DNAH6: variants seen among roughly 807,000 people sequenced by gnomAD.
DNAH6 encodes dynein axonemal heavy chain 6.
DNAH6 carries 340 observed loss-of-function variants against 491.4 expected under a neutral mutation model. The ratio of observed to expected loss-of-function variants is 0.69; its 90% CI spans 0.63 to 0.76. DNAH6 has a LOEUF of 0.76. Among genes scored for constraint, DNAH6 ranks in the 30% least tolerant of loss-of-function variants. The probability of loss-of-function intolerance (pLI) is 0.00; values close to 1 mark genes in which losing one functional copy is unlikely to be tolerated. For synonymous variants in DNAH6, 1,603 were observed against 1,686.1 expected, an observed-to-expected ratio of 0.95 and a Z score of 1.21; for missense variants, 4,443 against 4,972.2, an observed-to-expected ratio of 0.89 and a Z score of 3.20.
At chr2:84,499,324 C>T in the DNAH6 span, among the ~76,000 whole-genome samples, 31 of 152,276 alleles carry the variant, frequency 2.0e-4, no homozygotes, top group African/African-American at 6.7e-4. Context: ...GCTTATTTCA[C>T]TTAACATAAT....
intron 76 of DNAH6, among the ~76,000 whole-genome samples, chr2:84,817,897 T>A (rs910979171): frequency 2.0e-5 from 3 of 152,118 alleles, no homozygotes; most frequent in Non-Finnish European, 2.9e-5. Context: ...TCACCCCCCA[T>A]TCCAAGGAGT....
chr2:84,518,101 T>C (rs759848329), intron 2 of DNAH6, 50 bp downstream of exon 2: 11 of 1,404,572 alleles, frequency 7.8e-6, no homozygotes, highest in Non-Finnish European at 1.1e-5. Flanking sequence ...GAGGAAGTTG[T>C]AAAATTGCTT....
At position 84,797,561 on chromosome 2, in the gene DNAH6, A is replaced by G; in HGVS notation, c.11384A>G (p.Asp3795Gly). Residue 3795 changes from aspartate to glycine, a missense_variant, in exon 70 of 77, where the codon GAC becomes GGC. Asp to Gly is a moderately conservative substitution (Grantham distance 94). Transcript: ENST00000389394. Reference protein sequence around the residue: ...ESGIYFAPMADSLQEFKDYIE... With the variant: ...ESGIYFAPMAGSLQEFKDYIE... ...GGCATCTATTTTGCACCCATGGCTGACAGCCTACAAGAGTTTAAGGACTAC... is the reference window on the plus strand; with the variant it reads ...GGCATCTATTTTGCACCCATGGCTGGCAGCCTACAAGAGTTTAAGGACTAC... The G allele has an allele frequency of 6.4e-7, 1 of 1,551,756 alleles. No homozygotes were observed. The highest frequency in any genetic ancestry group is 2.4e-5 in the East Asian group (1 of 40,922).
At chr2:84,691,827 A>G (rs1005566988) in intron 45 of DNAH6, among the ~76,000 whole-genome samples, 5 of 152,206 alleles carry the variant, frequency 3.3e-5, no homozygotes, top group Non-Finnish European at 5.9e-5. Context: ...TTCTTATCTC[A>G]TGGGTCATTA....
the DNAH6 span, among the ~76,000 whole-genome samples, chr2:84,487,418 G>C: frequency 1.3e-5 from 2 of 152,156 alleles, no homozygotes; most frequent in Admixed American, 6.5e-5. Context: ...GTGAAGAGTT[G>C]AGAAAACCCA....
intron 72 of DNAH6, 108 bp downstream of exon 72, chr2:84,808,650 C>G: frequency 8.9e-7 from 1 of 1,122,744 alleles, no homozygotes. Flanking sequence ...CATTTGGATA[C>G]ACTAACAACT....
At chr2:84,680,961 A>G (rs750774206) in intron 41 of DNAH6, among the ~76,000 whole-genome samples, 2 of 152,186 alleles carry the variant, frequency 1.3e-5, no homozygotes, top group Non-Finnish European at 2.9e-5. Flanking sequence ...CGCATTTAAA[A>G]TATACATGAA....
chr2:84,659,538 G>A (rs1198724477), intron 37 of DNAH6, among the ~76,000 whole-genome samples: 1 of 152,156 alleles, frequency 6.6e-6, no homozygotes, highest in Non-Finnish European at 1.5e-5. Context: ...AAGTAAATAT[G>A]TTGAGAATAA....
intron 64 of DNAH6, among the ~76,000 whole-genome samples, chr2:84,770,745 G>A (rs1000987684): frequency 6.6e-6 from 1 of 152,042 alleles, no homozygotes; most frequent in Non-Finnish European, 1.5e-5. Context: ...CACTGTAGGA[G>A]GCCAAGGTGG....
intron 50 of DNAH6, 27 bp downstream of exon 50, chr2:84,703,589 A>G (rs1696138422): frequency 1.3e-6 from 2 of 1,522,364 alleles, no homozygotes; most frequent in South Asian, 2.6e-5. Flanking sequence ...GAGAATGTGG[A>G]AAAGGCTTCT....
Position 84,653,741 on chromosome 2 carries a change from G to T in DNAH6, c.5501G>T (p.Trp1834Leu). 1 of 1,551,316 alleles carries T rather than the reference G, an allele frequency of 6.4e-7. No homozygotes were observed. Among genetic ancestry groups the T allele is most frequent in the Non-Finnish European group, 8.7e-7 (1 of 1,146,692 alleles). ...AATGATACTTCAGAAGACCATAAAT[G>T]GATCATCAGTGATGGGCCAGTAGAT... is the stretch of plus-strand genomic sequence containing the variant. ...AVNDTSEDHKWIISDGPVDAL... is the reference protein window; with the variant it reads ...AVNDTSEDHKLIISDGPVDAL... Residue 1834 changes from tryptophan (W) to leucine (L), a missense_variant, in exon 34 of 77, where the codon TGG becomes TTG. By Grantham distance (61) the Trp-to-Leu change is moderately conservative (BLOSUM62 -2). Transcript: ENST00000389394.
At chr2:84,585,410 G>A (rs1037661387) in intron 15 of DNAH6, among the ~76,000 whole-genome samples, 6 of 152,200 alleles carry the variant, frequency 3.9e-5, no homozygotes, top group African/African-American at 1.4e-4. Flanking sequence ...ATGCAGACAA[G>A]TGGAGGGTGA....
At chr2:84,663,567 A>G (rs946955172) in intron 37 of DNAH6, among the ~76,000 whole-genome samples, 4 of 152,186 alleles carry the variant, frequency 2.6e-5, no homozygotes, top group Admixed American at 1.3e-4. Context: ...AAAAGAAATG[A>G]ACAAAGCCTC....
intron 33 of DNAH6, among the ~76,000 whole-genome samples, chr2:84,650,765 C>G (rs1486135838): frequency 1.3e-5 from 2 of 152,160 alleles, no homozygotes; most frequent in South Asian, 4.1e-4. Flanking sequence ...ACGTTTCTCT[C>G]ATCTCAGTGT....
At chr2:84,464,100 C>G in the DNAH6 span, among the ~76,000 whole-genome samples, 8 of 152,228 alleles carry the variant, frequency 5.3e-5, no homozygotes, top group Admixed American at 2.6e-4. Context: ...TGTCTTCTGT[C>G]TGTGCTGGCA....
At chr2:84,689,885 G>T (rs952300843) in intron 45 of DNAH6, among the ~76,000 whole-genome samples, 1 of 152,086 alleles carries the variant, frequency 6.6e-6, no homozygotes, top group African/African-American at 2.4e-5. Context: ...CCCAAAATGG[G>T]CTCACTTTTT....
intron 72 of DNAH6, 51 bp downstream of exon 72, chr2:84,808,593 G>A: frequency 6.5e-7 from 1 of 1,531,498 alleles, no homozygotes; most frequent in African/African-American, 1.4e-5. Flanking sequence ...GCTTTGTAGA[G>A]AGTTGTATAA....
chr2:84,688,970 A>T (rs956433955), intron 45 of DNAH6, among the ~76,000 whole-genome samples: 45 of 152,212 alleles, frequency 3.0e-4, no homozygotes, highest in African/African-American at 1.1e-3. Flanking sequence ...TCAATCCAGG[A>T]TCAAAGGTTT....
chr2:84,511,152 G>T, the DNAH6 span, among the ~76,000 whole-genome samples: 1 of 152,154 alleles, frequency 6.6e-6, no homozygotes, highest in Non-Finnish European at 1.5e-5. Context: ...CTTTTGTTTG[G>T]CTGTGCCCTC....
Sources: gnomAD v4.1 joint callset for allele counts (sites outside exome capture counted in the v4.1 genomes callset) on GRCh38, gnomAD v4.1.1 for gene constraint, MANE v1.5 for transcripts, NCBI Gene and HGNC (gene_info 2026-07-23, HGNC 2026-07-21) for gene names.